Variants in DTWD2 observed in about 807,000 individuals in gnomAD.
The protein encoded by DTWD2 is DTW motif tRNA-uridine aminocarboxypropyltransferase 2.
In DTWD2, 39 loss-of-function variants were observed where a neutral mutation model predicts 31.8. That is an observed-to-expected ratio of 1.22 (90% CI 0.95 to 1.60). The LOEUF is 1.60. Among genes scored for constraint, DTWD2 ranks in the 40% most tolerant of loss-of-function variants. The probability of loss-of-function intolerance (pLI) is 0.00; values close to 1 mark genes in which losing one functional copy is unlikely to be tolerated. For missense variants in DTWD2, 515 were observed against 381.5 expected, an observed-to-expected ratio of 1.35 and a Z score of -2.92; for synonymous variants, 180 against 142.8, an observed-to-expected ratio of 1.26 and a Z score of -1.86.
intron 4 of DTWD2, among the ~76,000 whole-genome samples, chr5:118,905,290 C>T (rs1027528142): frequency 1.3e-5 from 2 of 152,012 alleles, no homozygotes; most frequent in Non-Finnish European, 2.9e-5. Context: ...AGAACACAGG[C>T]CCTCCTAATT....
chr5:118,872,444 T>G (rs981063356), intron 4 of DTWD2, among the ~76,000 whole-genome samples: 1 of 152,226 alleles, frequency 6.6e-6, no homozygotes, highest in African/African-American at 2.4e-5. Flanking sequence ...TGACTCTTCC[T>G]TTCACTTGAA....
At chr5:118,927,832 A>G (rs754644914) in intron 4 of DTWD2, among the ~76,000 whole-genome samples, 6 of 152,136 alleles carry the variant, frequency 3.9e-5, no homozygotes, top group Admixed American at 1.3e-4. Context: ...AGTATTATTT[A>G]AACTATTCCA....
rs1263401889 is a variant in DTWD2 at position 118,840,743 on chromosome 5, A to C, written c.*174T>G. The C allele has an allele frequency of 3.3e-6, 2 of 606,200 alleles. No homozygotes were observed. The highest frequency in any genetic ancestry group is 1.9e-5 in the African/African-American group (1 of 51,406). 37.6% of individuals were successfully genotyped at this position (606,200 alleles called of 1,614,324 possible). On this transcript the variant is annotated 3_prime_UTR_variant, in exon 6 of 6. Transcript: ENST00000510708. ...ATCCTGCTTTTCAGTGAGCCAGTGA[A>C]TTTCTGTTTATTTGTATTTATGAAT...
At chr5:118,931,727 AT>A (rs77139617) in intron 3 of DTWD2, among the ~76,000 whole-genome samples, 25,243 of 152,198 alleles carry the variant, frequency 0.17, 2,465 homozygotes, top group South Asian at 0.32. Flanking sequence ...GAACAGCATT[AT>A]CAATCAACTT....
chr5:118,957,452 C>G (rs890578364), intron 1 of DTWD2, among the ~76,000 whole-genome samples: 2 of 152,050 alleles, frequency 1.3e-5, no homozygotes, highest in African/African-American at 4.8e-5. Context: ...GAACTCCTGA[C>G]CTCGTGATCT....
At chr5:118,871,727 G>C (rs994382741) in intron 4 of DTWD2, among the ~76,000 whole-genome samples, 1 of 152,170 alleles carries the variant, frequency 6.6e-6, no homozygotes, top group African/African-American at 2.4e-5. Flanking sequence ...CACAGACAGA[G>C]TAGATTTTGC....
chr5:118,922,160 T>G (rs1052094994), intron 4 of DTWD2, among the ~76,000 whole-genome samples: 1 of 152,172 alleles, frequency 6.6e-6, no homozygotes, highest in Non-Finnish European at 1.5e-5. Context: ...GGGAAAGAGA[T>G]TCACTGCCAA....
At position 118,836,473 on chromosome 5, in the gene DTWD2, G is replaced by A. The variant is rs545883021; in HGVS notation, c.*4444C>T. On this transcript the variant is annotated 3_prime_UTR_variant, in exon 6 of 6. Transcript: ENST00000510708. ...AGGCTGGTCTTGAACTCCTGACCTC[G>A]TGATCTACCCACCTCGGCCTCCCAA... Among the ~76,000 whole-genome samples the A allele has an allele frequency of 2.2e-4, 33 of 152,194 alleles. No individual in the cohort carries two copies. Among genetic ancestry groups the A allele is most frequent in the African/African-American group, 3.9e-4 (16 of 41,530 alleles).
chr5:118,885,377 G>A (rs146584213), intron 4 of DTWD2, among the ~76,000 whole-genome samples: 17,524 of 149,334 alleles, frequency 0.12, 1,108 homozygotes, highest in Admixed American at 0.15. Context: ...GCTTGAACCC[G>A]GGAGGTGGAG....
chr5:118,929,005 T>G (rs896399082), intron 3 of DTWD2, among the ~76,000 whole-genome samples: 4 of 152,216 alleles, frequency 2.6e-5, no homozygotes, highest in Non-Finnish European at 5.9e-5. Context: ...GTGACATAAC[T>G]TTAGCCCTTC....
At chr5:118,920,077 G>A (rs1446144105) in intron 4 of DTWD2, among the ~76,000 whole-genome samples, 2 of 151,574 alleles carry the variant, frequency 1.3e-5, no homozygotes, top group South Asian at 4.1e-4. Context: ...CCCACCTCCA[G>A]TCCATGAAAA....
At chr5:118,861,396 A>G (rs1022498745) in intron 4 of DTWD2, among the ~76,000 whole-genome samples, 2 of 152,218 alleles carry the variant, frequency 1.3e-5, no homozygotes, top group Non-Finnish European at 2.9e-5. Flanking sequence ...AGGTACAGAA[A>G]TTTAAAAATT....
intron 1 of DTWD2, among the ~76,000 whole-genome samples, chr5:118,973,606 CGCCTCCTTGCTCGCGGCA>C (rs56377839): frequency 0.62 from 91,863 of 148,334 alleles, 29,151 homozygotes; most frequent in East Asian, 0.92. Context: ...GTTCCTCGTC[CGCCTCCTTGCTCGCGGCA>C]GCCTCCTTGC....
chr5:118,988,024 T>G, intron 1 of DTWD2: 1 of 693,928 alleles, frequency 1.4e-6, no homozygotes, highest in Non-Finnish European at 2.6e-6. Context: ...ATTGGACGCT[T>G]AAGTTTCTTG....
intron 1 of DTWD2, among the ~76,000 whole-genome samples, chr5:118,961,211 G>A (rs912136773): frequency 6.6e-6 from 1 of 152,150 alleles, no homozygotes; most frequent in African/African-American, 2.4e-5. Context: ...AAACTGTGAT[G>A]ACAGTTATGG....
At chr5:118,968,164 C>G (rs1345838542) in intron 1 of DTWD2, among the ~76,000 whole-genome samples, 1 of 149,846 alleles carries the variant, frequency 6.7e-6, no homozygotes, top group Non-Finnish European at 1.5e-5. Flanking sequence ...TACAAAATAA[C>G]TGACCAGTAT....
intron 5 of DTWD2, among the ~76,000 whole-genome samples, chr5:118,846,101 G>T (rs1032107100): frequency 6.6e-6 from 1 of 152,090 alleles, no homozygotes; most frequent in Non-Finnish European, 1.5e-5. Flanking sequence ...CTAATACTTT[G>T]TTGAGTCTAG....
intron 4 of DTWD2, among the ~76,000 whole-genome samples, chr5:118,863,942 A>G (rs937794594): frequency 2.6e-5 from 4 of 151,692 alleles, no homozygotes; most frequent in East Asian, 3.8e-4. Context: ...CCCTTACACA[A>G]TATCAGGCAT....
Position 118,907,181 on chromosome 5 carries a change from T to A in DTWD2, c.597+21356A>T, listed in dbSNP as rs143168009. On this transcript the variant is annotated intron_variant, in intron 4 of 5. Coordinates refer to ENST00000510708, the MANE Select transcript of DTWD2 (RefSeq NM_173666.4). ...CATCATTTCCTATGAATTAGAAAGT[T>A]TCCCCACTTCTCCTTTCAAATATAG... Among the ~76,000 whole-genome samples the A allele has an allele frequency of 3.7e-3, 556 of 152,316 alleles. 8 individuals carry two copies. Among genetic ancestry groups the A allele is most frequent in the East Asian group, 0.029 (149 of 5,186 alleles).
Sources: gnomAD v4.1 joint callset for allele counts (sites outside exome capture counted in the v4.1 genomes callset) on GRCh38, gnomAD v4.1.1 for gene constraint, MANE v1.5 for transcripts, NCBI Gene and HGNC (gene_info 2026-07-23, HGNC 2026-07-21) for gene names.